WWOX: variants seen among roughly 807,000 people sequenced by gnomAD.
WWOX encodes the protein WW domain containing oxidoreductase, also known as WW domain-containing oxidoreductase.
WWOX carries 69 observed loss-of-function variants against 46.2 expected under a neutral mutation model. The ratio of observed to expected loss-of-function variants is 1.49; its 90% CI spans 1.23 to 1.82. The LOEUF is 1.82. Ranked by LOEUF, WWOX falls within the 40% of genes most tolerant of loss-of-function variation. The pLI, the probability that WWOX is intolerant of heterozygous loss-of-function variation, is 0.00. For missense variants in WWOX, 919 were observed against 542.6 expected (o/e 1.69, Z -6.89); for synonymous variants, 359 against 202.6 (o/e 1.77, Z -6.56).
intron 8 of WWOX, among the ~76,000 whole-genome samples, chr16:78,500,999 T>C (rs952363190): frequency 3.3e-5 from 5 of 152,146 alleles, no homozygotes; most frequent in Non-Finnish European, 4.4e-5. Flanking sequence ...CAGGGAAATA[T>C]GTTTCACTTT....
chr16:79,102,867 G>A (rs895547113), intron 8 of WWOX, among the ~76,000 whole-genome samples: 1 of 152,040 alleles, frequency 6.6e-6, no homozygotes, highest in Non-Finnish European at 1.5e-5. Context: ...GTGAAGGGCA[G>A]AATGTCCTGT....
chr16:78,354,306 G>A (rs1329962223), intron 5 of WWOX, among the ~76,000 whole-genome samples: 1 of 56,358 alleles, frequency 1.8e-5, no homozygotes, highest in Middle Eastern at 9.3e-3. Context: ...CTGCTGATGT[G>A]CTTAACTTTT....
chr16:78,649,824 G>C (rs1250615372), intron 8 of WWOX, among the ~76,000 whole-genome samples: 7 of 152,216 alleles, frequency 4.6e-5, no homozygotes, highest in Admixed American at 4.6e-4. Context: ...TTGCAGGTCT[G>C]ATTGATGGGC....
intron 8 of WWOX, among the ~76,000 whole-genome samples, chr16:78,532,314 G>A (rs908265516): frequency 5.3e-5 from 8 of 152,054 alleles, no homozygotes; most frequent in African/African-American, 1.2e-4. Context: ...AGATGACTTC[G>A]GTTCAAGTCC....
At chr16:78,617,918 C>A (rs977346135) in intron 8 of WWOX, among the ~76,000 whole-genome samples, 1 of 152,134 alleles carries the variant, frequency 6.6e-6, no homozygotes, top group Non-Finnish European at 1.5e-5. Flanking sequence ...CATTGCCCAT[C>A]TTTATAACAA....
chr16:78,594,429 G>GCCTCCCCCCCCC (rs1171391505), intron 8 of WWOX, among the ~76,000 whole-genome samples: 1 of 32,390 alleles, frequency 3.1e-5, no homozygotes. Flanking sequence ...CTGAGGAAAG[G>GCCTCCCCCCCCC]CCCCCCCCCC....
chr16:78,970,259 G>T (rs1006553724), intron 8 of WWOX, among the ~76,000 whole-genome samples: 7 of 152,188 alleles, frequency 4.6e-5, no homozygotes, highest in African/African-American at 1.7e-4. Flanking sequence ...TAGAGACTCA[G>T]ATTTATCCCT....
Position 78,947,149 on chromosome 16 carries a change from A to T in WWOX, c.1057-264459A>T, listed in dbSNP as rs545228816. Among the ~76,000 whole-genome samples, 3 of 152,166 alleles carry T rather than the reference A, an allele frequency of 2.0e-5. No homozygotes were observed. The South Asian group carries it at 6.2e-4, about 32-fold the overall frequency. On this transcript the variant is annotated intron_variant, in intron 8 of 8. Transcript: ENST00000566780. Reference sequence around the variant, plus strand: ...AAGGAATGCACATTAGTCTTCCATTAAAAATAGATCAAAAAAGTACCCAAA... The same window carrying T: ...AAGGAATGCACATTAGTCTTCCATTTAAAATAGATCAAAAAAGTACCCAAA...
intron 4 of WWOX, among the ~76,000 whole-genome samples, chr16:78,149,398 G>A (rs1223103378): frequency 6.6e-6 from 1 of 152,204 alleles, no homozygotes; most frequent in Admixed American, 6.5e-5. Context: ...AGCCCTTACA[G>A]ATAAATGTTT....
At chr16:78,321,919 A>G (rs2080492770) in intron 5 of WWOX, among the ~76,000 whole-genome samples, 2 of 152,118 alleles carry the variant, frequency 1.3e-5, no homozygotes, top group African/African-American at 4.8e-5. Flanking sequence ...ATGCAAATGG[A>G]TTTTAGTTGT....
chr16:78,499,738 C>G (rs776315702), intron 8 of WWOX, among the ~76,000 whole-genome samples: 3 of 152,106 alleles, frequency 2.0e-5, no homozygotes, highest in Non-Finnish European at 2.9e-5. Flanking sequence ...GTATCCAGCC[C>G]AGGACTTGAC....
intron 5 of WWOX, among the ~76,000 whole-genome samples, chr16:78,362,441 C>G (rs555461565): frequency 6.6e-6 from 1 of 152,088 alleles, no homozygotes; most frequent in Non-Finnish European, 1.5e-5. Context: ...GAAACCCTAT[C>G]CCTATTAAAA....
At chr16:78,505,285 C>G (rs544427530) in intron 8 of WWOX, among the ~76,000 whole-genome samples, 14 of 152,172 alleles carry the variant, frequency 9.2e-5, no homozygotes, top group Non-Finnish European at 1.9e-4. Flanking sequence ...TTATTTCATA[C>G]TGAGTTAATA....
chr16:78,452,629 C>T (rs2083720560), intron 8 of WWOX, among the ~76,000 whole-genome samples: 2 of 150,224 alleles, frequency 1.3e-5, no homozygotes, highest in Admixed American at 1.3e-4. Flanking sequence ...GCATGCACTA[C>T]CACACCTGGC....
chr16:78,432,613 A>AGCT lies in WWOX; in HGVS notation c.920_922dup (p.Leu307dup). The AGCT allele has an allele frequency of 6.2e-7, 1 of 1,614,138 alleles. No homozygotes were observed. Among genetic ancestry groups the AGCT allele is most frequent in the Non-Finnish European group, 8.5e-7 (1 of 1,180,028 alleles). On this transcript the variant is annotated inframe_insertion, in exon 8 of 9. Transcript: ENST00000566780. The stretch of plus-strand genomic sequence containing the variant: ...CTCTGCAACATCCTCTTCTCCAACG[A>AGCT]GCTGCACCGTCGCCTCTCCCCACGC...
chr16:79,074,408 C>CA (rs1186773193), intron 8 of WWOX, among the ~76,000 whole-genome samples: 1 of 63,570 alleles, frequency 1.6e-5, no homozygotes, highest in African/African-American at 5.7e-5. Context: ...TGTCACTAGT[C>CA]CTTTTTTTTT....
intron 8 of WWOX, among the ~76,000 whole-genome samples, chr16:78,976,122 C>T (rs1358289493): frequency 2.6e-5 from 4 of 152,174 alleles, no homozygotes; most frequent in Non-Finnish European, 4.4e-5. Context: ...CTTTGTTGTC[C>T]ATCCTCGAAT....
chr16:78,534,469 T>A (rs529512117), intron 8 of WWOX: 1 of 152,328 alleles, frequency 6.6e-6, no homozygotes, highest in South Asian at 2.1e-4. Context: ...TCAATTTTGA[T>A]TCAGACGTCC....
intron 8 of WWOX, among the ~76,000 whole-genome samples, chr16:78,799,625 G>GCC (rs11428318): frequency 6.6e-6 from 1 of 152,074 alleles, no homozygotes; most frequent in African/African-American, 2.4e-5. Context: ...GCTTTGGACG[G>GCC]CCCCCTGAAC....
Sources: allele counts gnomAD v4.1 joint callset (sites outside exome capture counted in the v4.1 genomes callset), GRCh38; gene constraint gnomAD v4.1.1; transcripts MANE v1.5; gene names NCBI Gene and HGNC (gene_info 2026-07-23, HGNC 2026-07-21).